Variants in PALM2AKAP2 observed in about 807,000 individuals in gnomAD.
The protein encoded by PALM2AKAP2 is PALM2-AKAP2 fusion protein.
PALM2AKAP2 carries 37 observed loss-of-function variants against 71.5 expected under a neutral mutation model. That is an observed-to-expected ratio of 0.52 (90% CI 0.40 to 0.68). The LOEUF is 0.68. Among genes scored for constraint, PALM2AKAP2 ranks in the 30% least tolerant of loss-of-function variants. PALM2AKAP2 has a pLI of 0.00. For synonymous variants in PALM2AKAP2, 468 were observed against 478.8 expected (o/e 0.98, Z 0.29); for missense variants, 1,224 against 1,191.8 (o/e 1.03, Z -0.40).
At chr9:109,901,123 G>T (rs1830322822) in intron 3 of PALM2AKAP2, among the ~76,000 whole-genome samples, 1 of 152,158 alleles carries the variant, frequency 6.6e-6, no homozygotes, top group Non-Finnish European at 1.5e-5. Context: ...GTGAAGATTT[G>T]GCCCTTTCAG....
intron 6 of PALM2AKAP2, among the ~76,000 whole-genome samples, chr9:109,986,735 T>A (rs1016434566): frequency 1.3e-5 from 2 of 152,246 alleles, no homozygotes; most frequent in Non-Finnish European, 2.9e-5. Context: ...TTCCTTGAAG[T>A]CTGTGTGTTT....
chr9:110,136,609 C>T (rs1271564011), exon 2 of PALM2AKAP2: 7 of 1,614,042 alleles, frequency 4.3e-6, no homozygotes, highest in African/African-American at 1.3e-5. Flanking sequence ...GCCCTGACCC[C>T]ATGGCAGAGG....
At chr9:110,142,608 A>C (rs1836061458) in intron 2 of PALM2AKAP2, among the ~76,000 whole-genome samples, 1 of 152,218 alleles carries the variant, frequency 6.6e-6, no homozygotes, top group Non-Finnish European at 1.5e-5. Flanking sequence ...TGGAGGATAA[A>C]GAAAGTCTTC....
intron 1 of PALM2AKAP2, among the ~76,000 whole-genome samples, chr9:109,698,233 GC>G (rs1329055765): frequency 2.0e-5 from 3 of 150,178 alleles, no homozygotes; most frequent in African/African-American, 7.4e-5. Context: ...GTATATAACA[GC>G]CCCCAGTGGC....
chr9:109,884,377 G>A (rs1304079542), intron 3 of PALM2AKAP2, among the ~76,000 whole-genome samples: 6 of 152,170 alleles, frequency 3.9e-5, no homozygotes, highest in Non-Finnish European at 8.8e-5. Context: ...CACGAGAATC[G>A]CTTGAACCCG....
chr9:109,923,843 T>C, exon 4 of PALM2AKAP2: 1 of 1,583,400 alleles, frequency 6.3e-7, no homozygotes, highest in South Asian at 1.2e-5. Context: ...TCAAGGACTT[T>C]CAGAAGGTGA....
rs540370638 is a variant in PALM2AKAP2, at chr9:109,774,468, T to C, written c.6-6020T>C. Among the ~76,000 whole-genome samples the C allele has an allele frequency of 1.2e-4, 19 of 152,326 alleles. No homozygotes were observed. The South Asian group carries it at 3.9e-3, about 32-fold the overall frequency. Reference sequence around the variant, plus strand: ...ATCTCCTCTTAAATTTTTAAATTCCTTCTTATTTATAATTGTTAGATTGAC... The same window carrying C: ...ATCTCCTCTTAAATTTTTAAATTCCCTCTTATTTATAATTGTTAGATTGAC... On this transcript the variant is annotated intron_variant, in intron 1 of 6. Coordinates refer to the PALM2AKAP2 transcript ENST00000374531.
chr9:109,649,644 T>C (rs1827199354), intron 1 of PALM2AKAP2, among the ~76,000 whole-genome samples: 1 of 152,254 alleles, frequency 6.6e-6, no homozygotes, highest in African/African-American at 2.4e-5. Flanking sequence ...ATAATAACTC[T>C]GCATATAGAA....
chr9:110,027,737 A>G (rs1833207545), intron 7 of PALM2AKAP2, among the ~76,000 whole-genome samples: 1 of 152,210 alleles, frequency 6.6e-6, no homozygotes, highest in Non-Finnish European at 1.5e-5. Context: ...TCTATTACAA[A>G]AGAGGAAAAG....
intron 6 of PALM2AKAP2, among the ~76,000 whole-genome samples, chr9:109,977,370 C>T (rs142966632): frequency 2.6e-5 from 4 of 152,262 alleles, no homozygotes; most frequent in East Asian, 1.9e-4. Context: ...ATTGCCTAGG[C>T]TCTTAATATT....
chr9:109,763,670 C>A (rs1202506058), intron 1 of PALM2AKAP2, among the ~76,000 whole-genome samples: 1 of 152,138 alleles, frequency 6.6e-6, no homozygotes, highest in African/African-American at 2.4e-5. Flanking sequence ...AAGGTGTCAG[C>A]AGGGTTGGTT....
At chr9:109,747,969 C>A (rs1828829279) in intron 1 of PALM2AKAP2, among the ~76,000 whole-genome samples, 1 of 152,248 alleles carries the variant, frequency 6.6e-6, no homozygotes, top group South Asian at 2.1e-4. Flanking sequence ...CTGAGCCCAG[C>A]TGGCTATATG....
intron 7 of PALM2AKAP2, among the ~76,000 whole-genome samples, chr9:110,022,560 C>CT (rs1168847385): frequency 1.3e-5 from 2 of 148,932 alleles, no homozygotes; most frequent in African/African-American, 2.5e-5. Context: ...CTTTTTTTTT[C>CT]TTTATTTTTA....
At chr9:109,704,043 C>G (rs10816858) in intron 1 of PALM2AKAP2, among the ~76,000 whole-genome samples, 22,310 of 152,076 alleles carry the variant, frequency 0.15, 2,059 homozygotes, top group Non-Finnish European at 0.21. Context: ...ACTCTGTGAG[C>G]CTTGCAGTTT....
chr9:109,913,755 C>CT lies in PALM2AKAP2; in HGVS notation c.258-9961dup, dbSNP rs35024326. Among the ~76,000 whole-genome samples the CT allele has an allele frequency of 7.1e-4, 73 of 102,928 alleles. 1 individual carries two copies. The highest frequency in any genetic ancestry group is 2.6e-3 in the South Asian group (8 of 3,066). The allele number at this position is 102,928 out of a possible 152,430, so 67.5% of individuals were successfully genotyped here. A position where few individuals can be genotyped will look rare whatever the true frequency, so the allele number is the denominator to read the frequency against. ...AGTGGCTTAAACAAGATGCTTATTT[C>CT]TTTTTTTTTTTTTTTTTTTGAGACG... On this transcript the variant is annotated intron_variant, in intron 3 of 9. Coordinates refer to the PALM2AKAP2 transcript ENST00000302798.
exon 2 of PALM2AKAP2, chr9:110,137,202 A>T (rs1297421243): frequency 1.9e-6 from 3 of 1,614,146 alleles, no homozygotes; most frequent in Non-Finnish European, 2.5e-6. Flanking sequence ...GAGCAGATAG[A>T]TTTCTCTGCT....
At chr9:109,898,477 A>G (rs571474064) in intron 3 of PALM2AKAP2, among the ~76,000 whole-genome samples, 57 of 152,356 alleles carry the variant, frequency 3.7e-4, no homozygotes, top group African/African-American at 1.3e-3. Flanking sequence ...AAACACATAA[A>G]TAATAAACAG....
chr9:109,682,382 G>A (rs1827749457), intron 1 of PALM2AKAP2, among the ~76,000 whole-genome samples: 1 of 152,180 alleles, frequency 6.6e-6, no homozygotes, highest in African/African-American at 2.4e-5. Context: ...TAATCATACA[G>A]TTGCATCTTC....
At chr9:110,041,278 G>T (rs1272804085) in intron 7 of PALM2AKAP2, among the ~76,000 whole-genome samples, 1 of 130,928 alleles carries the variant, frequency 7.6e-6, no homozygotes, top group African/African-American at 3.1e-5. Flanking sequence ...TGTTGTTGAA[G>T]ATTTTAGTTT....
Sources: gnomAD v4.1 joint callset for allele counts (sites outside exome capture counted in the v4.1 genomes callset) on GRCh38, gnomAD v4.1.1 for gene constraint, MANE v1.5 for transcripts, NCBI Gene and HGNC (gene_info 2026-07-23, HGNC 2026-07-21) for gene names.